Variants in MSRA observed in about 807,000 individuals in gnomAD.
MSRA encodes mitochondrial peptide methionine sulfoxide reductase.
Under a neutral mutation model 31.3 loss-of-function variants are expected in MSRA, and 54 were observed. The observed-to-expected ratio is 1.73, with a 90% confidence interval of 1.39 to 2.17. MSRA has a LOEUF of 2.17. Ranked by LOEUF, MSRA falls within the 30% of genes most tolerant of loss-of-function variation. The pLI, the probability that MSRA is intolerant of heterozygous loss-of-function variation, is 0.00. For missense variants in MSRA, 507 were observed against 300.9 expected (o/e 1.69, Z -5.07); for synonymous variants, 169 against 116.5 (o/e 1.45, Z -2.90).
At chr8:10,174,396 G>A (rs1805858721) in intron 1 of MSRA, among the ~76,000 whole-genome samples, 1 of 152,084 alleles carries the variant, frequency 6.6e-6, no homozygotes, top group African/African-American at 2.4e-5. Context: ...GGCTTCCCGG[G>A]AGCAAGTCTA....
At chr8:10,091,437 A>G (rs963728675) in intron 1 of MSRA, among the ~76,000 whole-genome samples, 2 of 152,172 alleles carry the variant, frequency 1.3e-5, no homozygotes, top group Non-Finnish European at 2.9e-5. Flanking sequence ...TATTCCGTTT[A>G]CCATATATAT....
At chr8:10,102,499 T>G (rs1488399733) in intron 1 of MSRA, among the ~76,000 whole-genome samples, 3 of 152,350 alleles carry the variant, frequency 2.0e-5, no homozygotes, top group Admixed American at 2.0e-4. Context: ...AAAATTTGTT[T>G]CATGCCCATT....
chr8:10,372,080 A>G (rs1185612906), intron 5 of MSRA, among the ~76,000 whole-genome samples: 1 of 152,208 alleles, frequency 6.6e-6, no homozygotes, highest in Non-Finnish European at 1.5e-5. Flanking sequence ...ACCTCATGAC[A>G]ATTGAGTCTG....
chr8:10,351,208 A>C (rs1454950773), intron 5 of MSRA, among the ~76,000 whole-genome samples: 2 of 129,006 alleles, frequency 1.6e-5, no homozygotes, highest in Non-Finnish European at 3.2e-5. Flanking sequence ...CAAAAACATC[A>C]TGTAATGAAT....
At chr8:10,196,329 G>A (rs1807984528) in intron 1 of MSRA, among the ~76,000 whole-genome samples, 1 of 152,190 alleles carries the variant, frequency 6.6e-6, no homozygotes, top group Non-Finnish European at 1.5e-5. Flanking sequence ...CAGAGTGACA[G>A]TATGACTTGG....
At chr8:10,350,299 C>A (rs1489472557) in intron 5 of MSRA, among the ~76,000 whole-genome samples, 1 of 152,250 alleles carries the variant, frequency 6.6e-6, no homozygotes, top group Non-Finnish European at 1.5e-5. Context: ...TTTATACTCA[C>A]AGCGCTTCAC....
intron 3 of MSRA, among the ~76,000 whole-genome samples, chr8:10,248,825 C>G (rs771117868): frequency 6.6e-6 from 1 of 152,144 alleles, no homozygotes; most frequent in Non-Finnish European, 1.5e-5. Flanking sequence ...ACCCGACATG[C>G]GTAGAGAATA....
At chr8:10,152,582 A>G (rs1173480060) in intron 1 of MSRA, among the ~76,000 whole-genome samples, 1 of 152,212 alleles carries the variant, frequency 6.6e-6, no homozygotes, top group African/African-American at 2.4e-5. Context: ...AGTGAAACAA[A>G]TATTTCTCTT....
At chr8:10,161,543 G>T (rs1468195820) in intron 1 of MSRA, among the ~76,000 whole-genome samples, 1 of 152,168 alleles carries the variant, frequency 6.6e-6, no homozygotes, top group African/African-American at 2.4e-5. Context: ...AAACAATTTT[G>T]GGAAATGCTT....
At chr8:10,122,184 A>G (rs1458209626) in intron 1 of MSRA, among the ~76,000 whole-genome samples, 1 of 152,134 alleles carries the variant, frequency 6.6e-6, no homozygotes. Flanking sequence ...GATTCTCGCC[A>G]TGAGAATTGA....
chr8:10,082,017 C>T (rs972596880), intron 1 of MSRA, among the ~76,000 whole-genome samples: 1 of 152,084 alleles, frequency 6.6e-6, no homozygotes, highest in East Asian at 1.9e-4. Context: ...GACTGGACAA[C>T]AAAGTGAGAC....
At chr8:10,264,134 C>A (rs1798621569) in intron 3 of MSRA, among the ~76,000 whole-genome samples, 1 of 152,156 alleles carries the variant, frequency 6.6e-6, no homozygotes, top group East Asian at 1.9e-4. Flanking sequence ...AAAGCTTTGA[C>A]TAGAGACCTG....
intron 2 of MSRA, among the ~76,000 whole-genome samples, chr8:10,218,873 G>A (rs1229539504): frequency 6.6e-6 from 1 of 152,234 alleles, no homozygotes; most frequent in Non-Finnish European, 1.5e-5. Flanking sequence ...CCACAGTACA[G>A]ATTGCTGCAA....
chr8:10,299,281 T>C (rs1438351995), intron 3 of MSRA, among the ~76,000 whole-genome samples: 1 of 152,170 alleles, frequency 6.6e-6, no homozygotes, highest in African/African-American at 2.4e-5. Flanking sequence ...TCATGCCAAA[T>C]ATGTCTGTCA....
intron 1 of MSRA, among the ~76,000 whole-genome samples, chr8:10,090,426 TGTATA>T (rs1178452724): frequency 6.6e-6 from 1 of 152,156 alleles, no homozygotes; most frequent in African/African-American, 2.4e-5. Context: ...GTTTAGTTAA[TGTATA>T]GTATTGCCTC....
At chr8:10,204,392 T>G (rs915609393) in intron 1 of MSRA, among the ~76,000 whole-genome samples, 1 of 152,262 alleles carries the variant, frequency 6.6e-6, no homozygotes, top group African/African-American at 2.4e-5. Context: ...AAGCTCCATT[T>G]GTCATAAATA....
chr8:10,085,346 C>T (rs528707493), intron 1 of MSRA, among the ~76,000 whole-genome samples: 1 of 152,332 alleles, frequency 6.6e-6, no homozygotes, highest in Non-Finnish European at 1.5e-5. Context: ...TGCCTGGCTC[C>T]AGGCCTCTCT....
At chr8:10,418,815 T>A (rs1449771817) in intron 5 of MSRA, among the ~76,000 whole-genome samples, 38 of 66,038 alleles carry the variant, frequency 5.8e-4, no homozygotes, top group South Asian at 9.3e-4. Context: ...TTACTACGAC[T>A]AAAAAAAAAA....
At chr8:10,316,212 C>G (rs28587507) in intron 4 of MSRA, among the ~76,000 whole-genome samples, 23,644 of 150,648 alleles carry the variant, frequency 0.16, 2,245 homozygotes, top group African/African-American at 0.26. Context: ...ATCTTTCATA[C>G]ATCCCTATAT....
Sources: gnomAD v4.1 joint callset for allele counts (sites outside exome capture counted in the v4.1 genomes callset) on GRCh38, gnomAD v4.1.1 for gene constraint, MANE v1.5 for transcripts, NCBI Gene and HGNC (gene_info 2026-07-23, HGNC 2026-07-21) for gene names.